The following ADD1 variants were observed in gnomAD, a reference collection of about 807,000 sequenced individuals.
The protein encoded by ADD1 is alpha-adducin.
A neutral mutation model predicts 80.5 loss-of-function variants in ADD1; 24 were observed. The ratio of observed to expected loss-of-function variants is 0.30; its 90% CI spans 0.22 to 0.42. The LOEUF (loss-of-function observed/expected upper bound fraction) is 0.42, where lower values mean the gene tolerates loss of function less well. Among genes scored for constraint, ADD1 ranks in the 10% least tolerant of loss-of-function variants. ADD1 has a pLI of 1.00. For missense variants in ADD1, 948 were observed against 1,019.0 expected (o/e 0.93, Z 0.95); for synonymous variants, 373 against 393.8 (o/e 0.95, Z 0.63).
intron 1 of ADD1, chr4:2,867,753 T>C (rs1729764881): frequency 6.6e-6 from 1 of 152,234 alleles, no homozygotes; most frequent in South Asian, 2.1e-4. Context: ...GTTTTACTTT[T>C]TGCTTTTGTT....
chr4:2,928,506 A>G lies in ADD1; in HGVS notation c.2383A>G (p.Lys795Glu). ...RTPSFLKKSK[K>E]KSDS ...CCCGTCCTTTCTGAAGAAGAGCAAG[A>G]AGAAGAGTGACTCCTGAAAGCCCTG... Residue 795 changes from lysine (K) to glutamate (E), a missense_variant, in exon 16 of 16, where the codon AAG (lysine) becomes GAG (glutamate). Physicochemically the swap from Lys to Glu is moderately conservative, Grantham distance 56. Transcript: ENST00000683351. The G allele has an allele frequency of 6.2e-7, 1 of 1,613,216 alleles. No individual in the cohort carries two copies. The highest frequency in any genetic ancestry group is 8.5e-7 in the Non-Finnish European group (1 of 1,179,840).
At chr4:2,856,922 A>T (rs1267121246) in intron 1 of ADD1, among the ~76,000 whole-genome samples, 16 of 133,326 alleles carry the variant, frequency 1.2e-4, no homozygotes, top group African/African-American at 4.0e-4. Flanking sequence ...TTTATTTTTT[A>T]TTTTTTTTGA....
intron 3 of ADD1, among the ~76,000 whole-genome samples, chr4:2,883,554 G>A (rs1033841239): frequency 3.3e-5 from 5 of 151,992 alleles, no homozygotes; most frequent in Non-Finnish European, 5.9e-5. Context: ...TTTATTTAGA[G>A]ATAAGTTCTT....
Position 2,907,789 on chromosome 4 carries a change from A to T in ADD1, c.1553A>T (p.Asn518Ile). ...GHRTSTSAVP[N>I]LFVPLNTNPK... ...AGAACTTCCACCTCTGCTGTCCCTA[A>T]CCTGTTTGTTCCATTGAACACTAAC... The change falls in exon 11 of 16, where the codon AAC (asparagine) becomes ATC (isoleucine). Residue 518 changes from asparagine (N) to isoleucine (I), a missense_variant. Physicochemically the swap from Asn to Ile is moderately radical, Grantham distance 149. Transcript: ENST00000683351. 1.2e-6 allele frequency: 2 copies of T among 1,614,100 alleles called. No homozygotes were observed. Among genetic ancestry groups the T allele is most frequent in the Non-Finnish European group, 1.7e-6 (2 of 1,180,022 alleles).
rs555759556 is a variant in ADD1 at position 2,928,275 on chromosome 4, C to T, written c.2152C>T (p.Pro718Ser). ...TGAACCTTCAGAAGCACTCGGCTTC[C>T]CAATGTTAGAGAAGGAGGAGGAAGC... is the stretch of plus-strand genomic sequence containing the variant. ...PDEPSEALGF[P>S]MLEKEEEAHR... The change falls in exon 16 of 16, where the codon CCA becomes TCA. Residue 718 changes from proline (P) to serine (S), a missense_variant. Transcript: ENST00000683351. 8 of 1,614,072 alleles carry T rather than the reference C, an allele frequency of 5.0e-6. No homozygotes were observed. Among genetic ancestry groups the T allele is most frequent in the East Asian group, 2.2e-5 (1 of 44,850 alleles).
chr4:2,878,326 G>C (rs1055054421), intron 2 of ADD1, among the ~76,000 whole-genome samples: 69 of 152,148 alleles, frequency 4.5e-4, no homozygotes, highest in African/African-American at 1.4e-3. Flanking sequence ...CCAAGGTGGC[G>C]TAGTAGAGGT....
chr4:2,914,767 A>AG, intron 13 of ADD1, 117 bp from the exon 14 acceptor site: 2 of 1,220,884 alleles, frequency 1.6e-6, no homozygotes, highest in Non-Finnish European at 2.3e-6. Context: ...GTGCAGTCTC[A>AG]GGGGTCTCTG....
At chr4:2,915,930 A>G (rs2109135082) in intron 14 of ADD1, among the ~76,000 whole-genome samples, 1 of 152,256 alleles carries the variant, frequency 6.6e-6, no homozygotes, top group South Asian at 2.1e-4. Context: ...GCGCCATACT[A>G]AGACACACCG....
At chr4:2,912,683 T>C (rs1738278315) in intron 13 of ADD1, among the ~76,000 whole-genome samples, 1 of 152,260 alleles carries the variant, frequency 6.6e-6, no homozygotes, top group Non-Finnish European at 1.5e-5. Flanking sequence ...CATGCCACCA[T>C]GCTTGGCTAA....
intron 6 of ADD1, among the ~76,000 whole-genome samples, chr4:2,897,218 T>C (rs1472571189): frequency 6.6e-6 from 1 of 152,078 alleles, no homozygotes; most frequent in Non-Finnish European, 1.5e-5. Flanking sequence ...AGCCTGTTAC[T>C]TTAGGGTCAT....
chr4:2,919,723 C>G (rs947419890), intron 14 of ADD1, among the ~76,000 whole-genome samples: 2 of 151,672 alleles, frequency 1.3e-5, no homozygotes, highest in Admixed American at 1.3e-4. Context: ...TGATTCTTCT[C>G]TCTTTTCTTT....
At position 2,884,635 on chromosome 4, in the gene ADD1, G is replaced by T. The variant is rs773325179; in HGVS notation, c.479G>T (p.Gly160Val). The T allele has an allele frequency of 2.5e-6, 4 of 1,610,540 alleles. No homozygotes were observed. The highest frequency in any genetic ancestry group is 3.4e-5 in the Admixed American group (2 of 59,688). ...AAFYRLADLFGWSQLIYNHIT... is the reference protein window; with the variant it reads ...AAFYRLADLFVWSQLIYNHIT... ...TTTTATAGACTAGCAGATCTCTTTG[G>T]GTGGTCTCAGCTTATCTACAATCAT... is the stretch of plus-strand genomic sequence containing the variant. Residue 160 changes from glycine to valine, a missense_variant, in exon 4 of 16, where the codon GGG (glycine) becomes GTG (valine). Coordinates refer to ENST00000683351, the MANE Select transcript of ADD1 (RefSeq NM_001354761.2).
chr4:2,885,673 A>C (rs539576594), intron 4 of ADD1, among the ~76,000 whole-genome samples: 40 of 151,340 alleles, frequency 2.6e-4, no homozygotes, highest in African/African-American at 9.7e-4. Context: ...GCAGTGGTGC[A>C]ATCTCGGCTC....
intron 1 of ADD1, among the ~76,000 whole-genome samples, chr4:2,847,606 G>A (rs1726442723): frequency 6.6e-6 from 1 of 152,200 alleles, no homozygotes; most frequent in Non-Finnish European, 1.5e-5. Context: ...AACTTAGAAA[G>A]TTTATTTTGC....
chr4:2,899,934 G>A, intron 9 of ADD1: 1 of 238,088 alleles, frequency 4.2e-6, no homozygotes, highest in South Asian at 5.1e-5. Context: ...CAGAAGGCGG[G>A]CTTATGGGGC....
chr4:2,926,152 G>A lies in ADD1; in HGVS notation c.2047+40G>A, dbSNP rs1711555967. 1.9e-6 allele frequency: 3 copies of A among 1,561,164 alleles called. No individual in the cohort carries two copies. The highest frequency in any genetic ancestry group is 2.6e-6 in the Non-Finnish European group (3 of 1,132,738). On this transcript the variant is annotated intron_variant, in intron 15 of 15. Coordinates refer to ENST00000683351, the MANE Select transcript of ADD1 (RefSeq NM_001354761.2). The surrounding 1 kb of genome is among the most constrained non-coding windows in gnomAD (Gnocchi z 5.0). ...GCAGCGGCCGCCACTGTGGGAGGGT[G>A]CACGGCTCGTGCGCGCTGTGGCGGA...
In ADD1 at chr4:2,909,338, G is replaced by A. The variant is rs1297262345; in HGVS notation, c.1699-1G>A. Reference sequence around the variant, plus strand: ...TCTGGTGACTCAGTTTACTGTTTCAGGATGCACCTCTCTCTGACTGTACGG... The same window carrying A: ...TCTGGTGACTCAGTTTACTGTTTCAAGATGCACCTCTCTCTGACTGTACGG... On this transcript the variant is annotated splice_acceptor_variant, in intron 12 of 15. Coordinates refer to ENST00000683351, the MANE Select transcript of ADD1 (RefSeq NM_001354761.2). LOFTEE classifies it high-confidence loss of function. 1 of 1,550,070 alleles carries A rather than the reference G, an allele frequency of 6.5e-7. No homozygotes were observed. The highest frequency in any genetic ancestry group is 1.2e-5 in the South Asian group (1 of 84,036).
At chr4:2,869,991 A>G (rs1730169760) in intron 1 of ADD1, among the ~76,000 whole-genome samples, 1 of 152,204 alleles carries the variant, frequency 6.6e-6, no homozygotes, top group South Asian at 2.1e-4. Context: ...TGGGTCCTCT[A>G]GCAGGCATTT....
intron 6 of ADD1, among the ~76,000 whole-genome samples, chr4:2,895,989 G>A (rs773686091): frequency 2.5e-4 from 38 of 151,700 alleles, no homozygotes; most frequent in South Asian, 4.2e-4. Flanking sequence ...CCGGGTTCAC[G>A]CCATTCTCCT....
Sources: allele counts gnomAD v4.1 joint callset (sites outside exome capture counted in the v4.1 genomes callset), GRCh38; gene constraint gnomAD v4.1.1; non-coding constraint Gnocchi (gnomAD v3.1); transcripts MANE v1.5; gene names NCBI Gene and HGNC (gene_info 2026-07-23, HGNC 2026-07-21).